Variants in GSE1 observed in about 807,000 individuals in gnomAD.
GSE1 encodes genetic suppressor element 1.
In GSE1, 32 loss-of-function variants were observed where a neutral mutation model predicts 112.6. That is an observed-to-expected ratio of 0.28 (90% confidence interval 0.21 to 0.38). The LOEUF is 0.38. Among genes scored for constraint, GSE1 ranks in the 10% least tolerant of loss-of-function variants. The pLI, the probability that GSE1 is intolerant of heterozygous loss-of-function variation, is 1.00. For synonymous variants in GSE1, 1,115 were observed against 735.6 expected (o/e 1.52, Z -8.35); for missense variants, 2,348 against 1,699.2 (o/e 1.38, Z -6.71).
At chr16:85,424,743 G>A (rs761499294) in intron 2 of GSE1, among the ~76,000 whole-genome samples, 25 of 152,200 alleles carry the variant, frequency 1.6e-4, no homozygotes, top group Non-Finnish European at 2.5e-4. Flanking sequence ...CTCACGCCCC[G>A]AGTCGCCAGA....
intron 1 of GSE1, among the ~76,000 whole-genome samples, chr16:85,236,831 C>T (rs1483986300): frequency 6.6e-6 from 1 of 152,074 alleles, no homozygotes; most frequent in Non-Finnish European, 1.5e-5. Flanking sequence ...CCTACAAGGC[C>T]CCCTGGGACC....
chr16:85,567,618 C>CT (rs1201071093), intron 1 of GSE1, among the ~76,000 whole-genome samples: 1 of 152,228 alleles, frequency 6.6e-6, no homozygotes, highest in Non-Finnish European at 1.5e-5. Context: ...GCTGCACGGC[C>CT]TTTTAGGGCC....
intron 1 of GSE1, among the ~76,000 whole-genome samples, chr16:85,183,216 C>A (rs1346267006): frequency 6.6e-6 from 1 of 152,216 alleles, no homozygotes; most frequent in East Asian, 1.9e-4. Context: ...TGCACACACT[C>A]CCACACACCC....
chr16:85,493,910 G>A (rs1597946206), intron 2 of GSE1, among the ~76,000 whole-genome samples: 1 of 151,484 alleles, frequency 6.6e-6, no homozygotes, highest in East Asian at 1.9e-4. Flanking sequence ...GTGAGACCTT[G>A]TCTCTACAAA....
At chr16:85,468,227 G>C (rs572559336) in intron 2 of GSE1, among the ~76,000 whole-genome samples, 13 of 152,148 alleles carry the variant, frequency 8.5e-5, no homozygotes, top group African/African-American at 2.7e-4. Flanking sequence ...CGAGAACCTT[G>C]GGCAAGGTAT....
At chr16:85,557,146 C>A (rs2045269799) in intron 1 of GSE1, among the ~76,000 whole-genome samples, 1 of 152,098 alleles carries the variant, frequency 6.6e-6, no homozygotes, top group Non-Finnish European at 1.5e-5. Context: ...GCTGGTGATC[C>A]AGGAATTCAG....
intron 3 of GSE1, 82 bp from the exon 4 acceptor site, chr16:85,654,196 G>C: frequency 7.7e-7 from 1 of 1,305,796 alleles, no homozygotes; most frequent in Non-Finnish European, 1.1e-6. Flanking sequence ...GCGCCTTCCC[G>C]TGAGTCAGGA....
At chr16:85,262,851 G>A (rs1907847135) in intron 1 of GSE1, among the ~76,000 whole-genome samples, 1 of 152,174 alleles carries the variant, frequency 6.6e-6, no homozygotes, top group Non-Finnish European at 1.5e-5. Context: ...AGAACTCGGC[G>A]AGCCTCTGGG....
At chr16:85,607,536 T>C (rs1342828911), upstream of GSE1, among the ~76,000 whole-genome samples, 1 of 152,112 alleles carries the variant, frequency 6.6e-6, no homozygotes, top group African/African-American at 2.4e-5. Flanking sequence ...GGGCAGGAAG[T>C]GTGGGGCAGC....
At chr16:85,570,238 A>G (rs1429159307) in intron 1 of GSE1, among the ~76,000 whole-genome samples, 1 of 151,942 alleles carries the variant, frequency 6.6e-6, no homozygotes, top group Non-Finnish European at 1.5e-5. Flanking sequence ...ATCTTCAAGG[A>G]CCTTGGTGCT....
intron 2 of GSE1, among the ~76,000 whole-genome samples, chr16:85,500,658 A>G (rs113485851): frequency 2.0e-5 from 3 of 151,552 alleles, no homozygotes; most frequent in African/African-American, 7.3e-5. Flanking sequence ...TCTCCATGTC[A>G]CCCTTCCTCC....
chr16:85,647,099 G>T (rs1216415207), intron 2 of GSE1, among the ~76,000 whole-genome samples: 2 of 152,164 alleles, frequency 1.3e-5, no homozygotes, highest in Non-Finnish European at 2.9e-5. Flanking sequence ...TTCCCTTAGG[G>T]CCTGGGAACA....
At chr16:85,572,448 C>A (rs1598232093) in intron 1 of GSE1, among the ~76,000 whole-genome samples, 1 of 117,710 alleles carries the variant, frequency 8.5e-6, no homozygotes, top group Non-Finnish European at 1.9e-5. Flanking sequence ...CAACACACAG[C>A]ACATACCACA....
intron 2 of GSE1, among the ~76,000 whole-genome samples, chr16:85,473,430 A>G (rs1455026009): frequency 6.6e-6 from 1 of 152,144 alleles, no homozygotes; most frequent in Non-Finnish European, 1.5e-5. Flanking sequence ...TTAAAACCAC[A>G]GATGTTTGTT....
upstream of GSE1, among the ~76,000 whole-genome samples, chr16:85,553,480 C>T (rs1006903641): frequency 2.0e-5 from 3 of 151,786 alleles, no homozygotes; most frequent in African/African-American, 7.3e-5. Flanking sequence ...TCCTACAGGT[C>T]AGCAGCTCTG....
chr16:85,538,598 C>T (rs1046886654), intron 2 of GSE1, among the ~76,000 whole-genome samples: 19 of 152,148 alleles, frequency 1.2e-4, no homozygotes, highest in Admixed American at 3.9e-4. Flanking sequence ...CTGGGGGAGC[C>T]AGCCTTGGAA....
intron 15 of GSE1, 54 bp from the exon 16 acceptor site, chr16:85,672,351 C>G (rs751540407): frequency 6.3e-6 from 9 of 1,424,452 alleles, no homozygotes; most frequent in African/African-American, 4.2e-5. Context: ...ACTCTACATG[C>G]TTGTCCTTAC....
chr16:85,617,900 C>T (rs2048479073), intron 1 of GSE1, among the ~76,000 whole-genome samples: 1 of 152,134 alleles, frequency 6.6e-6, no homozygotes. Flanking sequence ...ATGGACGTCT[C>T]CCCTCTACGC....
At chr16:85,653,194 TCCTCCCC>T (rs1598602793) in intron 3 of GSE1, among the ~76,000 whole-genome samples, 5 of 70 alleles carry the variant, frequency 0.071, no homozygotes, top group African/African-American at 0.12. Flanking sequence ...TCCGCCCCCC[TCCTCCCC>T]CCTCCTCCCC....
Sources: gnomAD v4.1 joint callset for allele counts (sites outside exome capture counted in the v4.1 genomes callset) on GRCh38, gnomAD v4.1.1 for gene constraint, MANE v1.5 for transcripts, NCBI Gene and HGNC (gene_info 2026-07-23, HGNC 2026-07-21) for gene names.